The following LMF1 variants were observed in gnomAD, a reference collection of about 807,000 sequenced individuals.
LMF1 encodes the protein lipase maturation factor 1.
Under a neutral mutation model 60.6 loss-of-function variants are expected in LMF1, and 68 were observed. That is an observed-to-expected ratio of 1.12 (90% CI 0.92 to 1.37). The LOEUF is 1.37. Among genes scored for constraint, LMF1 ranks in the 40% most tolerant of loss-of-function variants. LMF1 has a pLI of 0.00. For synonymous variants in LMF1, 418 were observed against 324.7 expected (o/e 1.29, Z -3.09); for missense variants, 948 against 767.2 (o/e 1.24, Z -2.78).
chr16:976,692 T>C (rs1200249909), intron 1 of LMF1: 2 of 453,946 alleles, frequency 4.4e-6, no homozygotes, highest in Non-Finnish European at 8.8e-6. Flanking sequence ...GCCAGAAGCT[T>C]GGGGACCCGC....
intron 2 of LMF1, chr16:947,720 G>A (rs1002216913): frequency 5.2e-6 from 2 of 383,982 alleles, no homozygotes; most frequent in East Asian, 7.3e-5. Context: ...GCAGCCTGCA[G>A]GGCCACTGCC....
exon 1 of LMF1, chr16:981,177 G>A (rs1204651735): frequency 8.8e-6 from 4 of 454,890 alleles, no homozygotes; most frequent in Admixed American, 4.7e-5. Flanking sequence ...CTCTGGACGA[G>A]CTGGGCCTGG....
Position 897,063 on chromosome 16 carries a change from C to T in LMF1, c.664-3991G>A, listed in dbSNP as rs2070684897. On this transcript the variant is annotated intron_variant, in intron 4 of 10. Coordinates refer to ENST00000262301, the MANE Select transcript of LMF1 (RefSeq NM_022773.4). This position sits in a 1 kb window ranked among gnomAD's most constrained non-coding sequence, Gnocchi z 4.3. Reference sequence around the variant, plus strand: ...ACCCAAAGGGAGCCGGGGACCCACACTGCCCGTGCCACCCTCCCGCTCTGC... The same window carrying T: ...ACCCAAAGGGAGCCGGGGACCCACATTGCCCGTGCCACCCTCCCGCTCTGC... Among the ~76,000 whole-genome samples the T allele has an allele frequency of 6.6e-6, 1 of 152,192 alleles. No homozygotes were observed. The highest frequency in any genetic ancestry group is 1.5e-5 in the Non-Finnish European group (1 of 68,030).
At chr16:896,543 G>T (rs2070666417) in intron 4 of LMF1, among the ~76,000 whole-genome samples, 1 of 152,216 alleles carries the variant, frequency 6.6e-6, no homozygotes, top group African/African-American at 2.4e-5. Context: ...TTGGGCTCCT[G>T]TTCTGCAAAC....
chr16:981,264 C>A, exon 1 of LMF1: 2 of 431,900 alleles, frequency 4.6e-6, no homozygotes, highest in East Asian at 7.6e-5. Flanking sequence ...GCGGGCGAGA[C>A]CTCAGGCGCG....
intron 1 of LMF1, chr16:980,909 A>C (rs2073336922): frequency 6.6e-6 from 1 of 151,714 alleles, no homozygotes; most frequent in African/African-American, 2.4e-5. Flanking sequence ...CCCGCCCCCG[A>C]GCCCTAGGTC....
chr16:885,646 G>C (rs890786862), intron 5 of LMF1, among the ~76,000 whole-genome samples: 2 of 152,184 alleles, frequency 1.3e-5, no homozygotes, highest in South Asian at 2.1e-4. Flanking sequence ...CAGTCAGGAG[G>C]CCATTTCACA....
intron 1 of LMF1, chr16:968,697 A>G (rs34316274): frequency 0.29 from 43,871 of 152,174 alleles, 6,794 homozygotes; most frequent in South Asian, 0.38. Context: ...TGCATATGTC[A>G]AGGAGAAATG....
At chr16:921,662 G>A (rs893187743) in intron 3 of LMF1, among the ~76,000 whole-genome samples, 17 of 152,096 alleles carry the variant, frequency 1.1e-4, no homozygotes, top group African/African-American at 3.4e-4. Context: ...CGCAGTGTGC[G>A]GTGAGTTCCA....
At chr16:917,041 C>T (rs1212676714) in intron 3 of LMF1, among the ~76,000 whole-genome samples, 2 of 152,230 alleles carry the variant, frequency 1.3e-5, no homozygotes, top group Non-Finnish European at 2.9e-5. Context: ...GGAGACGCCA[C>T]CCAGGGGCTG....
intron 1 of LMF1, 82 bp downstream of exon 1, chr16:970,706 G>T: frequency 7.7e-7 from 1 of 1,300,128 alleles, no homozygotes; most frequent in Non-Finnish European, 1.0e-6. Context: ...GCGAGACCGC[G>T]CGGAGGAGTC....
chr16:926,441 G>A (rs939135766), intron 3 of LMF1, among the ~76,000 whole-genome samples: 8 of 151,962 alleles, frequency 5.3e-5, no homozygotes, highest in East Asian at 3.9e-4. Flanking sequence ...ATGTGTGCTC[G>A]TGTGTTTGCA....
intron 1 of LMF1, among the ~76,000 whole-genome samples, chr16:969,269 G>A (rs2072989544): frequency 6.6e-6 from 1 of 152,100 alleles, no homozygotes; most frequent in Admixed American, 6.5e-5. Flanking sequence ...GGGCCGACAT[G>A]GTGCCGTTGC....
At chr16:889,995 C>T (rs1031964360) in intron 5 of LMF1, among the ~76,000 whole-genome samples, 53 of 152,290 alleles carry the variant, frequency 3.5e-4, no homozygotes, top group Middle Eastern at 3.4e-3. Context: ...CCCGGGGTCC[C>T]CATGTAGCTG....
intron 3 of LMF1, among the ~76,000 whole-genome samples, chr16:919,724 T>C (rs1026052133): frequency 2.5e-4 from 38 of 151,990 alleles, no homozygotes; most frequent in Non-Finnish European, 4.4e-5. Context: ...AGTGTTTTCC[T>C]AGAAACACTG....
At chr16:882,044 C>G (rs535876391) in intron 5 of LMF1, among the ~76,000 whole-genome samples, 1 of 152,148 alleles carries the variant, frequency 6.6e-6, no homozygotes, top group Non-Finnish European at 1.5e-5. Context: ...GTTTGTGTCC[C>G]GAAGTGGTAA....
chr16:859,095 G>A (rs2069328239), intron 10 of LMF1, among the ~76,000 whole-genome samples: 1 of 133,016 alleles, frequency 7.5e-6, no homozygotes, highest in Admixed American at 7.1e-5. Context: ...GGTGTCTCGG[G>A]ACGGGTGTGC....
chr16:948,083 G>A (rs1270388829), intron 2 of LMF1, among the ~76,000 whole-genome samples: 1 of 150,106 alleles, frequency 6.7e-6, no homozygotes, highest in Admixed American at 6.6e-5. Context: ...TAGAGACAAC[G>A]AGAGAGTCAG....
intron 1 of LMF1, among the ~76,000 whole-genome samples, chr16:969,461 A>T (rs528273155): frequency 2.6e-5 from 4 of 152,370 alleles, no homozygotes; most frequent in Non-Finnish European, 5.9e-5. Context: ...GGTGGAAAGT[A>T]TCACACAAAT....
Sources: gnomAD v4.1 joint callset for allele counts (sites outside exome capture counted in the v4.1 genomes callset) on GRCh38, gnomAD v4.1.1 for gene constraint, Gnocchi (gnomAD v3.1) non-coding constraint, MANE v1.5 for transcripts, NCBI Gene and HGNC (gene_info 2026-07-23, HGNC 2026-07-21) for gene names.